Variants in ARB2A observed in about 807,000 individuals in gnomAD.
The protein encoded by ARB2A is cotranscriptional regulator ARB2A.
At chr5:93,781,959 G>A in the ARB2A span, 1 of 983,030 alleles carries the variant, frequency 1.0e-6, no homozygotes, top group Non-Finnish European at 1.2e-6. Context: ...AGAGGGGATA[G>A]GAAATAAGAA....
chr5:94,088,195 T>A, the ARB2A span, among the ~76,000 whole-genome samples: 1 of 152,188 alleles, frequency 6.6e-6, no homozygotes, highest in Non-Finnish European at 1.5e-5. Context: ...AGCAGCTATA[T>A]ATCAATAACA....
At chr5:93,658,718 G>A in the ARB2A span, among the ~76,000 whole-genome samples, 1 of 152,064 alleles carries the variant, frequency 6.6e-6, no homozygotes, top group African/African-American at 2.4e-5. Context: ...CTTTTCAAGT[G>A]AGAAAGATAT....
chr5:93,881,651 T>C, the ARB2A span: 1 of 1,597,018 alleles, frequency 6.3e-7, no homozygotes. Context: ...TTCAATATAG[T>C]TTTCATTGGG....
the ARB2A span, among the ~76,000 whole-genome samples, chr5:94,059,803 T>C: frequency 8.0e-5 from 12 of 150,218 alleles, no homozygotes; most frequent in African/African-American, 9.7e-5. Context: ...TCTTTCCAAA[T>C]AGAAGAAATA....
At chr5:93,677,547 C>T in the ARB2A span, among the ~76,000 whole-genome samples, 1 of 152,182 alleles carries the variant, frequency 6.6e-6, no homozygotes, top group Non-Finnish European at 1.5e-5. Context: ...GATCAAATTA[C>T]AAAATAATCA....
chr5:93,901,866 G>C, the ARB2A span, among the ~76,000 whole-genome samples: 3 of 152,058 alleles, frequency 2.0e-5, no homozygotes, highest in Non-Finnish European at 4.4e-5. Context: ...CGGTTAACAA[G>C]ATTGGGATGA....
At chr5:93,851,080 G>C in the ARB2A span, among the ~76,000 whole-genome samples, 1 of 151,998 alleles carries the variant, frequency 6.6e-6, no homozygotes, top group Non-Finnish European at 1.5e-5. Context: ...TTGTCAGATG[G>C]ACCCAGTTAA....
the ARB2A span, among the ~76,000 whole-genome samples, chr5:94,088,754 T>C: frequency 1.3e-5 from 2 of 152,226 alleles, no homozygotes; most frequent in Admixed American, 1.3e-4. Flanking sequence ...TTCTTTGGCA[T>C]ATTTCCACTA....
chr5:93,865,776 G>A, the ARB2A span: 2 of 985,382 alleles, frequency 2.0e-6, no homozygotes, highest in Non-Finnish European at 2.4e-6. Flanking sequence ...CTATAATGAT[G>A]CATAAATAAG....
chr5:93,983,554 A>C, the ARB2A span, among the ~76,000 whole-genome samples: 1 of 152,218 alleles, frequency 6.6e-6, no homozygotes, highest in Non-Finnish European at 1.5e-5. Context: ...TCTTCCTTAC[A>C]GCAGAATCCC....
the ARB2A span, chr5:93,784,291 T>C: frequency 1.3e-6 from 1 of 754,082 alleles, no homozygotes; most frequent in Non-Finnish European, 2.3e-6. Flanking sequence ...AGAAAGGGAG[T>C]TTGAGGATGG....
At chr5:93,619,762 C>A in the ARB2A span, 1 of 152,134 alleles carries the variant, frequency 6.6e-6, no homozygotes, top group Non-Finnish European at 1.5e-5. Flanking sequence ...CACATCTTAG[C>A]TGGATTAAAA....
At chr5:93,707,806 C>T in the ARB2A span, among the ~76,000 whole-genome samples, 78 of 152,238 alleles carry the variant, frequency 5.1e-4, no homozygotes, top group Admixed American at 9.8e-4. Context: ...TACTCCTGAC[C>T]TCAGGTGATC....
chr5:93,692,775 A>G, the ARB2A span, among the ~76,000 whole-genome samples: 1 of 152,204 alleles, frequency 6.6e-6, no homozygotes, highest in Non-Finnish European at 1.5e-5. Context: ...CATCATACTT[A>G]TTCTAAAACT....
chr5:94,109,233 T>C, the ARB2A span, among the ~76,000 whole-genome samples: 6 of 152,148 alleles, frequency 3.9e-5, no homozygotes, highest in African/African-American at 1.2e-4. Flanking sequence ...AGTAGTCAAA[T>C]TCATAGAGGC....
At chr5:93,791,000 T>A in the ARB2A span, among the ~76,000 whole-genome samples, 1 of 152,184 alleles carries the variant, frequency 6.6e-6, no homozygotes, top group Admixed American at 6.5e-5. Context: ...TACCTTGACA[T>A]TCATCTCTAA....
the ARB2A span, among the ~76,000 whole-genome samples, chr5:93,715,951 C>T: frequency 2.0e-5 from 3 of 152,138 alleles, no homozygotes; most frequent in East Asian, 5.8e-4. Context: ...CAGAAAACCA[C>T]ACAATGGCTT....
chr5:94,024,824 T>C, the ARB2A span, among the ~76,000 whole-genome samples: 1 of 152,156 alleles, frequency 6.6e-6, no homozygotes, highest in Non-Finnish European at 1.5e-5. Context: ...AAATGCTCTC[T>C]GCCTGAGTAG....
chr5:93,818,372 A>G, the ARB2A span, among the ~76,000 whole-genome samples: 1 of 152,312 alleles, frequency 6.6e-6, no homozygotes, highest in Admixed American at 6.5e-5. Flanking sequence ...TTTGAACTGT[A>G]TATTTTATTT....
Sources: gnomAD v4.1 joint callset for allele counts (sites outside exome capture counted in the v4.1 genomes callset) on GRCh38, gnomAD v4.1.1 for gene constraint, MANE v1.5 for transcripts, NCBI Gene and HGNC (gene_info 2026-07-23, HGNC 2026-07-21) for gene names.